Variants in PAPPA2 observed in about 807,000 individuals in gnomAD.
PAPPA2 encodes the protein pappalysin 2.
A neutral mutation model predicts 176.4 loss-of-function variants in PAPPA2; 86 were observed. That is an observed-to-expected ratio of 0.49 (90% CI 0.41 to 0.58). The LOEUF is 0.58. Among genes scored for constraint, PAPPA2 ranks in the 20% least tolerant of loss-of-function variants. PAPPA2 has a pLI of 0.00. For synonymous variants in PAPPA2, 809 were observed against 852.2 expected, an observed-to-expected ratio of 0.95 and a Z score of 0.88; for missense variants, 2,073 against 2,256.9, an observed-to-expected ratio of 0.92 and a Z score of 1.65.
intron 1 of PAPPA2, among the ~76,000 whole-genome samples, chr1:176,526,420 G>A (rs1649502810): frequency 6.6e-6 from 1 of 152,178 alleles, no homozygotes; most frequent in African/African-American, 2.4e-5. Context: ...ACTTTAAGAA[G>A]CTCCAGTGTA....
At chr1:176,470,880 T>A (rs10913181) in intron 1 of PAPPA2, among the ~76,000 whole-genome samples, 130,470 of 151,810 alleles carry the variant, frequency 0.86, 56,208 homozygotes, top group South Asian at 0.9. Flanking sequence ...TTTTTTTTTT[T>A]AAAGTTTTAG....
chr1:176,769,464 G>A lies in PAPPA2; in HGVS notation c.4324-143G>A, dbSNP rs1664120907. 9 of 768,162 alleles carry A rather than the reference G, an allele frequency of 1.2e-5. No individual in the cohort carries two copies. In the South Asian group the frequency reaches 1.5e-4, roughly 13 times the overall value. The allele number at this position is 768,162 out of a possible 1,614,324, so 47.6% of individuals were successfully genotyped here. A position where few individuals can be genotyped will look rare whatever the true frequency, so the allele number is the denominator to read the frequency against. ...GTAAGAATGTATATTAAAACAGTGAGGCCTGAAGAGGGAGAAAGGCAAAAT... is the reference window on the plus strand; with the variant it reads ...GTAAGAATGTATATTAAAACAGTGAAGCCTGAAGAGGGAGAAAGGCAAAAT... On this transcript the variant is annotated intron_variant, in intron 15 of 22. Transcript: ENST00000367662.
chr1:176,633,429 T>A (rs1241981707), intron 3 of PAPPA2, among the ~76,000 whole-genome samples: 1 of 152,190 alleles, frequency 6.6e-6, no homozygotes, highest in Non-Finnish European at 1.5e-5. Context: ...GGAGAAGTGT[T>A]GCATCTTGTA....
At chr1:176,539,528 T>C (rs191891489) in intron 1 of PAPPA2, among the ~76,000 whole-genome samples, 223 of 152,310 alleles carry the variant, frequency 1.5e-3, no homozygotes, top group Admixed American at 4.9e-3. Context: ...TCTACCCCAT[T>C]AAGTGGCTCA....
chr1:176,569,167 CA>C (rs1218071972), intron 2 of PAPPA2, among the ~76,000 whole-genome samples: 2 of 152,178 alleles, frequency 1.3e-5, no homozygotes, highest in Non-Finnish European at 2.9e-5. Context: ...CCCACACACC[CA>C]CACCTTCATA....
At chr1:176,563,705 A>C (rs74467347) in intron 2 of PAPPA2, among the ~76,000 whole-genome samples, 5,843 of 152,256 alleles carry the variant, frequency 0.038, 164 homozygotes, top group South Asian at 0.17. Context: ...TATTCTTAAG[A>C]TGTCTGCCAT....
intron 21 of PAPPA2, among the ~76,000 whole-genome samples, chr1:176,839,181 A>G (rs892775440): frequency 2.0e-5 from 3 of 152,200 alleles, no homozygotes; most frequent in Non-Finnish European, 2.9e-5. Context: ...ATGGTTGGGC[A>G]TCTCTCAGGA....
intron 1 of PAPPA2, among the ~76,000 whole-genome samples, chr1:176,470,695 G>A (rs1003227579): frequency 1.1e-4 from 17 of 152,136 alleles, no homozygotes; most frequent in Admixed American, 9.8e-4. Context: ...CAGTGAAAAC[G>A]GACAAGAAGC....
intron 3 of PAPPA2, among the ~76,000 whole-genome samples, chr1:176,609,639 G>A (rs1654799644): frequency 6.6e-6 from 1 of 152,222 alleles, no homozygotes; most frequent in Non-Finnish European, 1.5e-5. Context: ...GAGTTAGGCA[G>A]AGAGTAGTTG....
intron 4 of PAPPA2, 79 bp downstream of exon 4, chr1:176,671,194 A>G (rs990374179): frequency 1.3e-6 from 2 of 1,565,558 alleles, no homozygotes; most frequent in Admixed American, 1.8e-5. Flanking sequence ...AGTTTGGGGA[A>G]AAAAGAAAGA....
intron 4 of PAPPA2, among the ~76,000 whole-genome samples, chr1:176,689,268 T>A (rs1659987322): frequency 6.6e-6 from 1 of 152,202 alleles, no homozygotes; most frequent in South Asian, 2.1e-4. Context: ...TTGGGTCACT[T>A]AGAGATCCTT....
At chr1:176,795,413 C>A (rs1312062368) in intron 20 of PAPPA2, among the ~76,000 whole-genome samples, 1 of 152,044 alleles carries the variant, frequency 6.6e-6, no homozygotes, top group Non-Finnish European at 1.5e-5. Flanking sequence ...TCAAAGAAAG[C>A]CTTTTTGTTT....
intron 1 of PAPPA2, among the ~76,000 whole-genome samples, chr1:176,485,283 A>G (rs1450334453): frequency 6.6e-6 from 1 of 152,196 alleles, no homozygotes; most frequent in African/African-American, 2.4e-5. Flanking sequence ...AATGGCTTTC[A>G]AGTCCCTAAT....
chr1:176,625,831 G>C (rs561134874), intron 3 of PAPPA2, among the ~76,000 whole-genome samples: 2 of 152,138 alleles, frequency 1.3e-5, no homozygotes, highest in Non-Finnish European at 2.9e-5. Flanking sequence ...CATCAGCCTG[G>C]GCAACATGGC....
At chr1:176,587,196 G>T (rs1278323049) in intron 2 of PAPPA2, among the ~76,000 whole-genome samples, 1 of 151,582 alleles carries the variant, frequency 6.6e-6, no homozygotes, top group Non-Finnish European at 1.5e-5. Context: ...TTAGACCTTT[G>T]TCAGATGGAT....
chr1:176,496,539 C>A (rs571812092), intron 1 of PAPPA2, among the ~76,000 whole-genome samples: 1 of 151,952 alleles, frequency 6.6e-6, no homozygotes, highest in South Asian at 2.1e-4. Flanking sequence ...CAGCAACAGG[C>A]CTGTTTCTCA....
intron 1 of PAPPA2, among the ~76,000 whole-genome samples, chr1:176,553,272 G>A (rs1651072352): frequency 6.9e-6 from 1 of 144,076 alleles, no homozygotes; most frequent in South Asian, 2.4e-4. Context: ...AAGAGAGGAG[G>A]GGGGCTGAGG....
intron 14 of PAPPA2, among the ~76,000 whole-genome samples, chr1:176,760,710 G>A (rs1014492045): frequency 6.6e-6 from 1 of 152,210 alleles, no homozygotes; most frequent in African/African-American, 2.4e-5. Context: ...TGCTAGGATT[G>A]TGCCCGGGTG....
intron 2 of PAPPA2, among the ~76,000 whole-genome samples, chr1:176,584,502 A>G (rs1653183273): frequency 6.6e-6 from 1 of 150,768 alleles, no homozygotes; most frequent in Admixed American, 6.6e-5. Flanking sequence ...ATTGTTTTTC[A>G]CTTTCAGTCT....
Sources: gnomAD v4.1 joint callset for allele counts (sites outside exome capture counted in the v4.1 genomes callset) on GRCh38, gnomAD v4.1.1 for gene constraint, MANE v1.5 for transcripts, NCBI Gene and HGNC (gene_info 2026-07-23, HGNC 2026-07-21) for gene names.